Variants in ADAM22 observed in about 807,000 individuals in gnomAD.
ADAM22 encodes disintegrin and metalloproteinase domain-containing protein 22.
A neutral mutation model predicts 144.6 loss-of-function variants in ADAM22; 65 were observed. The ratio of observed to expected loss-of-function variants is 0.45; its 90% CI spans 0.37 to 0.55. The LOEUF (loss-of-function observed/expected upper bound fraction) is 0.55. Ranked by LOEUF, ADAM22 falls within the 20% of genes least tolerant of loss-of-function variation. The pLI is 0.00. For missense variants in ADAM22, 974 were observed against 1,184.9 expected, an observed-to-expected ratio of 0.82 and a Z score of 2.61; for synonymous variants, 391 against 412.6, an observed-to-expected ratio of 0.95 and a Z score of 0.63.
At chr7:88,014,045 A>G (rs1223489955) in intron 3 of ADAM22, among the ~76,000 whole-genome samples, 2 of 152,166 alleles carry the variant, frequency 1.3e-5, no homozygotes, top group Non-Finnish European at 2.9e-5. Flanking sequence ...CATAGGTTTG[A>G]TATGCTAATT....
At chr7:88,175,725 A>C (rs1035555245) in intron 26 of ADAM22, among the ~76,000 whole-genome samples, 2 of 152,158 alleles carry the variant, frequency 1.3e-5, no homozygotes, top group African/African-American at 4.8e-5. Flanking sequence ...AAAGCACTCA[A>C]GATTTAGGAA....
chr7:88,133,691 G>T (rs1832347821), intron 12 of ADAM22, among the ~76,000 whole-genome samples: 1 of 152,090 alleles, frequency 6.6e-6, no homozygotes, highest in African/African-American at 2.4e-5. Flanking sequence ...GTATTTAACA[G>T]ATTTGGGGAT....
At chr7:88,074,759 C>T (rs533812208) in intron 3 of ADAM22, among the ~76,000 whole-genome samples, 1 of 152,158 alleles carries the variant, frequency 6.6e-6, no homozygotes, top group Non-Finnish European at 1.5e-5. Flanking sequence ...GTTCTGTTTA[C>T]ATTTCAAGCA....
Position 88,105,249 on chromosome 7 carries a change from A to G in ADAM22, c.391-2927A>G, listed in dbSNP as rs557137591. On this transcript the variant is annotated intron_variant, in intron 4 of 31. Transcript: ENST00000413139. ...CTTCTCTTTATTTATCTTTGTTTCT[A>G]CTATCTTCATGTGTTACTGTTCACT... Among the ~76,000 whole-genome samples, 3 of 152,046 alleles carry G rather than the reference A, an allele frequency of 2.0e-5. No homozygotes were observed. In the East Asian group the frequency reaches 5.8e-4, roughly 29 times the overall value.
intron 30 of ADAM22, among the ~76,000 whole-genome samples, chr7:88,190,761 A>G (rs905466140): frequency 1.3e-5 from 2 of 152,084 alleles, no homozygotes; most frequent in Non-Finnish European, 2.9e-5. Context: ...TATTTTCCCT[A>G]AAGTGTTTTA....
intron 14 of ADAM22, among the ~76,000 whole-genome samples, chr7:88,136,703 C>T (rs572472385): frequency 2.6e-5 from 4 of 151,748 alleles, no homozygotes; most frequent in African/African-American, 9.7e-5. Flanking sequence ...ATTTCAAATA[C>T]TGAGTATAAA....
chr7:88,048,552 G>C (rs767233522), intron 3 of ADAM22, among the ~76,000 whole-genome samples: 2 of 151,952 alleles, frequency 1.3e-5, no homozygotes, highest in Admixed American at 6.6e-5. Flanking sequence ...AATATTCTTT[G>C]ATTCTGGAAA....
chr7:88,082,560 A>C lies in ADAM22; in HGVS notation c.390+6868A>C, dbSNP rs1013147876. Among the ~76,000 whole-genome samples, 207 of 152,204 alleles carry C rather than the reference A, an allele frequency of 1.4e-3. 1 individual carries two copies. The Middle Eastern group carries it at 0.014, about 10-fold the overall frequency. ...TCAGAGTGAACAGGCAACCTACAAA[A>C]TGGGAGAAAATTTTTGCAGCCTACT... On this transcript the variant is annotated intron_variant, in intron 4 of 31. Coordinates refer to ENST00000413139, the MANE Select transcript of ADAM22 (RefSeq NM_001324418.2).
chr7:87,935,274 A>G (rs1840968490), intron 2 of ADAM22, 88 bp downstream of exon 2: 1 of 1,398,990 alleles, frequency 7.1e-7, no homozygotes, highest in South Asian at 1.5e-5. Flanking sequence ...TGGAGATCCC[A>G]TGTCTTCTTG....
chr7:87,956,536 G>A (rs1332421721), intron 2 of ADAM22, among the ~76,000 whole-genome samples: 1 of 152,050 alleles, frequency 6.6e-6, no homozygotes, highest in Admixed American at 6.6e-5. Flanking sequence ...ACTGTGCAGC[G>A]ATCACCACTG....
At chr7:88,011,527 G>A (rs1467179442) in intron 3 of ADAM22, among the ~76,000 whole-genome samples, 3 of 148,238 alleles carry the variant, frequency 2.0e-5, no homozygotes, top group Non-Finnish European at 4.5e-5. Context: ...GTGACAGAGC[G>A]AGACTCAATC....
intron 15 of ADAM22, among the ~76,000 whole-genome samples, chr7:88,144,874 G>A (rs1368021948): frequency 6.6e-6 from 1 of 151,932 alleles, no homozygotes; most frequent in African/African-American, 2.4e-5. Flanking sequence ...CCTATGTGGT[G>A]TGTATGTTAT....
At chr7:88,136,776 C>T (rs73204110) in intron 14 of ADAM22, among the ~76,000 whole-genome samples, 4,049 of 151,834 alleles carry the variant, frequency 0.027, 80 homozygotes, top group Non-Finnish European at 0.04. Context: ...AAAGAACTTA[C>T]TCTTGTAACC....
chr7:87,965,649 G>A (rs1296170429), intron 2 of ADAM22, among the ~76,000 whole-genome samples: 2 of 152,068 alleles, frequency 1.3e-5, no homozygotes, highest in Non-Finnish European at 2.9e-5. Flanking sequence ...TAGTAAAAGT[G>A]AGCCTTTACT....
chr7:87,969,016 A>G (rs1248701336), intron 2 of ADAM22, among the ~76,000 whole-genome samples: 3 of 152,160 alleles, frequency 2.0e-5, no homozygotes, highest in Non-Finnish European at 4.4e-5. Context: ...CACTATCACA[A>G]GAACTGCAAG....
intron 21 of ADAM22, 146 bp downstream of exon 21, chr7:88,153,472 A>G (rs1010531064): frequency 1.1e-5 from 7 of 629,546 alleles, no homozygotes; most frequent in Non-Finnish European, 1.9e-5. Flanking sequence ...TTCCAGCATC[A>G]CCTGTGCAGA....
chr7:88,160,679 G>A (rs1213700016), intron 22 of ADAM22, among the ~76,000 whole-genome samples: 5 of 152,030 alleles, frequency 3.3e-5, no homozygotes, highest in African/African-American at 9.7e-5. Context: ...TGTTTATTGC[G>A]GCACTATTCA....
intron 5 of ADAM22, among the ~76,000 whole-genome samples, chr7:88,108,624 G>T (rs188719587): frequency 1.3e-5 from 2 of 152,008 alleles, no homozygotes; most frequent in South Asian, 2.1e-4. Flanking sequence ...AGCTACTCGG[G>T]AGGCTGAGGC....
intron 2 of ADAM22, among the ~76,000 whole-genome samples, chr7:87,943,913 G>A (rs1372658326): frequency 6.6e-6 from 1 of 151,846 alleles, no homozygotes; most frequent in Non-Finnish European, 1.5e-5. Flanking sequence ...CCCTTTTGTT[G>A]CATTTTTTGT....
Sources: gnomAD v4.1 joint callset for allele counts (sites outside exome capture counted in the v4.1 genomes callset) on GRCh38, gnomAD v4.1.1 for gene constraint, MANE v1.5 for transcripts, NCBI Gene and HGNC (gene_info 2026-07-23, HGNC 2026-07-21) for gene names.